NRXN2: variants seen among roughly 807,000 people sequenced by gnomAD.
NRXN2 encodes neurexin 2, also known as neurexin-2-beta.
A neutral mutation model predicts 128.8 loss-of-function variants in NRXN2; 29 were observed. The ratio of observed to expected loss-of-function variants is 0.23; its 90% confidence interval spans 0.17 to 0.31. NRXN2 has a LOEUF of 0.31. Among genes scored for constraint, NRXN2 ranks in the 10% least tolerant of loss-of-function variants. NRXN2 has a pLI of 1.00. For synonymous variants in NRXN2, 1,098 were observed against 1,075.2 expected (o/e 1.02, Z -0.41); for missense variants, 1,881 against 2,452.6 (o/e 0.77, Z 4.92).
intron 22 of NRXN2, 56 bp downstream of exon 22, chr11:64,620,238 C>G: frequency 7.1e-7 from 1 of 1,404,554 alleles, no homozygotes; most frequent in South Asian, 1.2e-5. Context: ...CAGTCGCCCC[C>G]CTCCCAGCAG....
rs762797357 is a variant in NRXN2 at position 64,607,181 on chromosome 11, C to A, written c.*15G>T. 1.9e-6 allele frequency: 3 copies of A among 1,609,282 alleles called. No homozygotes were observed. The highest frequency in any genetic ancestry group is 2.2e-5 in the East Asian group (1 of 44,724). On this transcript the variant is annotated 3_prime_UTR_variant, in exon 23 of 23. Transcript: ENST00000265459. ...CCAGGAGGGGCAGCTGGCAGTGGGG[C>A]GCAGTGCCGGGGGCTCAGACATAAT...
At position 64,680,802 on chromosome 11, in the gene NRXN2, T is replaced by C. The variant is rs571075716; in HGVS notation, c.1153-3765A>G. On this transcript the variant is annotated intron_variant, in intron 6 of 22. Transcript: ENST00000265459. ...CAGGAGAGGTGTTCTTCTGGTCTTGTAAAGTGAATTAGGCTCAGGCACAGT... is the reference window on the plus strand; with the variant it reads ...CAGGAGAGGTGTTCTTCTGGTCTTGCAAAGTGAATTAGGCTCAGGCACAGT... Among the ~76,000 whole-genome samples, 62 of 152,216 alleles carry C rather than the reference T, an allele frequency of 4.1e-4. 3 individuals are homozygous for C. Among genetic ancestry groups the C allele is most frequent in the Admixed American group, 3.9e-3 (60 of 15,286 alleles).
intron 7 of NRXN2, among the ~76,000 whole-genome samples, chr11:64,674,696 G>T (rs1336532819): frequency 6.6e-6 from 1 of 152,214 alleles, no homozygotes; most frequent in East Asian, 1.9e-4. Context: ...CAGTGGGCCA[G>T]AGATGCTGTG....
chr11:64,675,603 C>G (rs1480186811), intron 7 of NRXN2: 1 of 152,328 alleles, frequency 6.6e-6, no homozygotes, highest in Non-Finnish European at 1.5e-5. Flanking sequence ...GCTGCAGAGC[C>G]AGGACTGGGC....
chr11:64,680,172 C>T (rs1027862677), intron 6 of NRXN2, among the ~76,000 whole-genome samples: 1 of 152,156 alleles, frequency 6.6e-6, no homozygotes, highest in Non-Finnish European at 1.5e-5. Context: ...AAAGGAGAGC[C>T]TCGGGACAAA....
intron 7 of NRXN2, among the ~76,000 whole-genome samples, chr11:64,671,535 G>A (rs1420152205): frequency 1.3e-5 from 2 of 152,240 alleles, no homozygotes; most frequent in African/African-American, 4.8e-5. Context: ...GGGGCCGGTG[G>A]GGGAGGAGGG....
chr11:64,648,342 G>C lies in NRXN2; in HGVS notation c.3284-4C>G, dbSNP rs555038789. The C allele has an allele frequency of 2.1e-4, 340 of 1,614,166 alleles. 3 individuals carry two copies. In the South Asian group the frequency reaches 3.6e-3, roughly 17 times the overall value. On this transcript the variant is annotated splice_region_variant and splice_polypyrimidine_tract_variant and intron_variant, in intron 16 of 22. Coordinates refer to ENST00000265459, the MANE Select transcript of NRXN2 (RefSeq NM_015080.4). This position sits in a 1 kb window ranked among gnomAD's most constrained non-coding sequence, Gnocchi z 4.1. ...TCAGTGCAGGTGGTGCTGGGGCCTG[G>C]AAGGGGCAGGAGAAAGGAACACCCC...
At position 64,621,171 on chromosome 11, in the gene NRXN2, C is replaced by G. The variant is rs929156332; in HGVS notation, c.4174-799G>C. ...CCCATGATCTTCAGACTCAACAGCC[C>G]TCACTCACCCAAGGGCAAGGCAGTG... On this transcript the variant is annotated intron_variant, in intron 21 of 22. Transcript: ENST00000265459. 3.3e-5 allele frequency among the ~76,000 whole-genome samples: 5 copies of G among 152,150 alleles called. No homozygotes were observed. The East Asian group carries it at 9.7e-4, about 29-fold the overall frequency.
intron 20 of NRXN2, among the ~76,000 whole-genome samples, chr11:64,625,416 T>C (rs1591573335): frequency 6.6e-6 from 1 of 152,238 alleles, no homozygotes; most frequent in East Asian, 1.9e-4. Context: ...GGGCTGTAGG[T>C]TTTAGCGATG....
chr11:64,643,650 C>A (rs1166565539), intron 17 of NRXN2, among the ~76,000 whole-genome samples: 1 of 142,640 alleles, frequency 7.0e-6, no homozygotes, highest in Admixed American at 7.0e-5. Flanking sequence ...GGGGGCAGGG[C>A]GGAGGGACCA....
chr11:64,650,335 G>A, intron 15 of NRXN2, 113 bp downstream of exon 15: 1 of 1,081,674 alleles, frequency 9.2e-7, no homozygotes. Flanking sequence ...AAAGAGAGGT[G>A]GAAACTGGGG....
chr11:64,644,542 C>T (rs2046344217), intron 17 of NRXN2, among the ~76,000 whole-genome samples: 1 of 152,190 alleles, frequency 6.6e-6, no homozygotes. Context: ...TTCTGTCCCC[C>T]AAACTTTTGG....
At chr11:64,644,832 A>G (rs2046394784) in intron 17 of NRXN2, among the ~76,000 whole-genome samples, 1 of 151,990 alleles carries the variant, frequency 6.6e-6, no homozygotes, top group Non-Finnish European at 1.5e-5. Flanking sequence ...GAGGGGCTGG[A>G]GAGAGCTGGC....
At chr11:64,691,874 G>A (rs1285808591) in intron 4 of NRXN2, among the ~76,000 whole-genome samples, 2 of 152,112 alleles carry the variant, frequency 1.3e-5, no homozygotes, top group East Asian at 1.9e-4. Flanking sequence ...CCTGCCTACC[G>A]GCTAAGGACC....
chr11:64,688,240 G>C (rs768359339), intron 5 of NRXN2: 1 of 966,830 alleles, frequency 1.0e-6, no homozygotes, highest in Non-Finnish European at 1.2e-6. Flanking sequence ...GGGGTGGGTG[G>C]CAAAGCTAGC....
At chr11:64,712,662 C>A (rs1421181228) in intron 2 of NRXN2, 3 of 562,604 alleles carry the variant, frequency 5.3e-6, no homozygotes, top group Non-Finnish European at 1.0e-5. Flanking sequence ...ACCAAGCCCA[C>A]GGGGCTTCAT....
rs765170906 is a variant in NRXN2, at chr11:64,607,556, G to T, written c.4779C>A (p.Pro1593=). 1.3e-6 allele frequency: 2 copies of T among 1,540,226 alleles called. No individual in the cohort carries two copies. Among genetic ancestry groups the T allele is most frequent in the Non-Finnish European group, 1.7e-6 (2 of 1,146,826 alleles). ...AGGTCACGCCGGGGCGCAGGGGAGG[G>T]GGCCTCCGCGGCTCAAAGGACGTGG... The part of the protein sequence containing the change: ...GAPTSFEPRR[P]PPLRPGVTSA... The change falls in exon 23 of 23, where the codon CCC becomes CCA. Residue 1593 remains proline, a synonymous_variant. Coordinates refer to ENST00000265459, the MANE Select transcript of NRXN2 (RefSeq NM_015080.4).
Position 64,712,992 on chromosome 11 carries a change from G to A in NRXN2, c.708C>T (p.Phe236=), listed in dbSNP as rs1251216002. ...CACCTTCGCTGCAGAACTTGCCGCC[G>A]AAGCCCGTGTGGCTGCAGTCGCAGC... ...EVGCDCSHTG[F]GGKFCSEEEH... is the part of the protein sequence containing the mutation. The change falls in exon 2 of 23, where the codon TTC becomes TTT. Residue 236 remains phenylalanine, a synonymous_variant. Transcript: ENST00000265459. The A allele has an allele frequency of 5.3e-6, 8 of 1,496,452 alleles. No homozygotes were observed. Among genetic ancestry groups the A allele is most frequent in the Admixed American group, 4.2e-5 (2 of 48,126 alleles). 92.7% of individuals were successfully genotyped at this position (1,496,452 alleles called of 1,614,324 possible).
chr11:64,670,164 C>T (rs922372192), intron 7 of NRXN2, among the ~76,000 whole-genome samples: 5 of 152,120 alleles, frequency 3.3e-5, no homozygotes, highest in Non-Finnish European at 7.4e-5. Context: ...CCCCACTCTC[C>T]ACCTCCTGGG....
Sources: gnomAD v4.1 joint callset for allele counts (sites outside exome capture counted in the v4.1 genomes callset) on GRCh38, gnomAD v4.1.1 for gene constraint, Gnocchi (gnomAD v3.1) non-coding constraint, MANE v1.5 for transcripts, NCBI Gene and HGNC (gene_info 2026-07-23, HGNC 2026-07-21) for gene names.